Variants in PLCB1 observed in about 807,000 individuals in gnomAD.
PLCB1 encodes 1-phosphatidylinositol 4,5-bisphosphate phosphodiesterase beta-1.
PLCB1 carries 46 observed loss-of-function variants against 161.8 expected under a neutral mutation model. That is an observed-to-expected ratio of 0.28 (90% CI 0.22 to 0.36). The LOEUF is 0.36. PLCB1 is among the 10% of genes least tolerant of loss of function. PLCB1 has a pLI of 1.00. For synonymous variants in PLCB1, 517 were observed against 503.7 expected (o/e 1.03, Z -0.35); for missense variants, 1,016 against 1,472.5 (o/e 0.69, Z 5.07).
At chr20:8,872,101 C>T (rs1203683131) in intron 31 of PLCB1, among the ~76,000 whole-genome samples, 1 of 150,110 alleles carries the variant, frequency 6.7e-6, no homozygotes, top group African/African-American at 2.5e-5. Flanking sequence ...ATCAGTTTAA[C>T]TTATGTTGCC....
At chr20:8,556,878 T>C (rs1407870636) in intron 3 of PLCB1, among the ~76,000 whole-genome samples, 1 of 151,206 alleles carries the variant, frequency 6.6e-6, no homozygotes, top group African/African-American at 2.4e-5. Context: ...AATAAACACA[T>C]GAAAAGATGC....
At chr20:8,657,312 T>C (rs1989489995) in intron 8 of PLCB1, 28 bp downstream of exon 8, 1 of 1,336,096 alleles carries the variant, frequency 7.5e-7, no homozygotes, top group Non-Finnish European at 1.1e-6. Flanking sequence ...AAGCCATATC[T>C]TTTTCAGCTT....
intron 2 of PLCB1, among the ~76,000 whole-genome samples, chr20:8,279,197 T>A (rs1450063567): frequency 6.6e-6 from 1 of 152,176 alleles, no homozygotes; most frequent in Non-Finnish European, 1.5e-5. Flanking sequence ...AACAAATACT[T>A]GTATGCCAGT....
intron 31 of PLCB1, among the ~76,000 whole-genome samples, chr20:8,808,833 T>C (rs1005441805): frequency 6.6e-6 from 1 of 152,106 alleles, no homozygotes; most frequent in Non-Finnish European, 1.5e-5. Context: ...CTCATAAGAG[T>C]CCATTTTAAA....
At chr20:8,140,338 C>G (rs190520718) in intron 1 of PLCB1, among the ~76,000 whole-genome samples, 1 of 152,298 alleles carries the variant, frequency 6.6e-6, no homozygotes, top group Admixed American at 6.5e-5. Flanking sequence ...TTCTGTTTCT[C>G]GCACCAAATC....
chr20:8,371,775 T>C, intron 3 of PLCB1: 1 of 229,526 alleles, frequency 4.4e-6, no homozygotes, highest in Admixed American at 5.2e-5. Context: ...TCTTTGAACC[T>C]CGTAAACATA....
intron 3 of PLCB1, among the ~76,000 whole-genome samples, chr20:8,431,978 G>A (rs944163944): frequency 6.6e-6 from 1 of 151,746 alleles, no homozygotes; most frequent in Non-Finnish European, 1.5e-5. Flanking sequence ...CTTTTGGCTT[G>A]TCGGCAACCA....
rs527534296 is a variant in PLCB1 at position 8,773,564 on chromosome 20, G to A, written c.2931-975G>A. ...TCGAAATATTTTAGAATGAACTAAC[G>A]CATCTCTTTCCCCTTGTAAGCTTTG... On this transcript the variant is annotated intron_variant, in intron 26 of 31. Transcript: ENST00000338037. Among the ~76,000 whole-genome samples, 50 of 152,272 alleles carry A rather than the reference G, an allele frequency of 3.3e-4. 1 individual carries two copies. The South Asian group carries it at 8.1e-3, about 25-fold the overall frequency.
At chr20:8,875,340 C>A (rs1447566401) in intron 31 of PLCB1, among the ~76,000 whole-genome samples, 2 of 149,126 alleles carry the variant, frequency 1.3e-5, no homozygotes, top group Admixed American at 1.3e-4. Context: ...AAATAACAAG[C>A]AAATAACAAT....
chr20:8,286,861 G>T (rs1333176082), intron 2 of PLCB1, among the ~76,000 whole-genome samples: 6 of 151,972 alleles, frequency 3.9e-5, no homozygotes, highest in Admixed American at 2.6e-4. Context: ...TGTTCTCCTT[G>T]TAAGTAAGTA....
intron 2 of PLCB1, among the ~76,000 whole-genome samples, chr20:8,200,916 G>A (rs986277898): frequency 9.2e-5 from 14 of 151,958 alleles, no homozygotes; most frequent in Admixed American, 9.2e-4. Context: ...TCCCTTTTAT[G>A]TCTGATTCGC....
At position 8,785,381 on chromosome 20, in the gene PLCB1, A is replaced by G. The variant is rs147752909; in HGVS notation, c.3112-3068A>G. On this transcript the variant is annotated intron_variant, in intron 27 of 31. Transcript: ENST00000338037. ...CCCTGGTGATGCTCTTGCCACTGGT[A>G]TGTGGACTACACTTTGAGTAGCAAG... is the stretch of plus-strand genomic sequence containing the variant. Among the ~76,000 whole-genome samples the G allele has an allele frequency of 7.1e-3, 1,073 of 152,104 alleles. 14 individuals are homozygous for G. The highest frequency in any genetic ancestry group is 0.043 in the South Asian group (208 of 4,824).
chr20:8,471,667 T>G (rs1418899372), intron 3 of PLCB1, among the ~76,000 whole-genome samples: 1 of 152,166 alleles, frequency 6.6e-6, no homozygotes, highest in African/African-American at 2.4e-5. Flanking sequence ...AGTGCATAAT[T>G]GACCCCCTGC....
chr20:8,281,628 A>G (rs527734153), intron 2 of PLCB1, among the ~76,000 whole-genome samples: 1 of 152,268 alleles, frequency 6.6e-6, no homozygotes, highest in South Asian at 2.1e-4. Context: ...TTGGCTTAGA[A>G]CTTGCATGAA....
intron 2 of PLCB1, among the ~76,000 whole-genome samples, chr20:8,226,876 A>G (rs1215197944): frequency 1.3e-5 from 2 of 151,956 alleles, no homozygotes; most frequent in East Asian, 1.9e-4. Flanking sequence ...TTTAGTAGAG[A>G]CAGAGGTTCA....
At chr20:8,702,579 C>T (rs536604719) in intron 11 of PLCB1, among the ~76,000 whole-genome samples, 2 of 152,156 alleles carry the variant, frequency 1.3e-5, no homozygotes, top group Admixed American at 1.3e-4. Flanking sequence ...TATCCAAATA[C>T]ACCCTACTGT....
chr20:8,812,428 CTGGTGTGAGCGGGGG>C (rs1338192166), intron 31 of PLCB1, among the ~76,000 whole-genome samples: 9 of 151,288 alleles, frequency 5.9e-5, no homozygotes, highest in South Asian at 4.2e-4. Context: ...TGAGCGGGGG[CTGGTGTGAGCGGGGG>C]CTGGTGAAAG....
chr20:8,187,753 G>A (rs2051921091), intron 2 of PLCB1, among the ~76,000 whole-genome samples: 1 of 152,082 alleles, frequency 6.6e-6, no homozygotes, highest in African/African-American at 2.4e-5. Flanking sequence ...CCTGACACCA[G>A]AGCCAGCAAT....
At chr20:8,619,296 G>A (rs1470349794) in intron 3 of PLCB1, among the ~76,000 whole-genome samples, 1 of 152,098 alleles carries the variant, frequency 6.6e-6, no homozygotes, top group Non-Finnish European at 1.5e-5. Context: ...GCATGTGCCT[G>A]TAATCCCAGC....
Sources: gnomAD v4.1 joint callset for allele counts (sites outside exome capture counted in the v4.1 genomes callset) on GRCh38, gnomAD v4.1.1 for gene constraint, MANE v1.5 for transcripts, NCBI Gene and HGNC (gene_info 2026-07-23, HGNC 2026-07-21) for gene names.